The following GNAQ variants were observed in gnomAD, a reference collection of about 807,000 sequenced individuals.
The protein encoded by GNAQ is guanine nucleotide-binding protein G(q) subunit alpha.
GNAQ carries 8 observed loss-of-function variants against 43.9 expected under a neutral mutation model. That is an observed-to-expected ratio of 0.18 (90% confidence interval 0.11 to 0.33). GNAQ has a LOEUF of 0.33. Among genes scored for constraint, GNAQ ranks in the 10% least tolerant of loss-of-function variants. GNAQ has a pLI of 1.00. For missense variants in GNAQ, 158 were observed against 450.8 expected, an observed-to-expected ratio of 0.35 and a Z score of 5.88; for synonymous variants, 155 against 170.7, an observed-to-expected ratio of 0.91 and a Z score of 0.71.
chr9:77,807,577 G>C (rs1351442217), intron 3 of GNAQ, among the ~76,000 whole-genome samples: 1 of 152,178 alleles, frequency 6.6e-6, no homozygotes, highest in East Asian at 1.9e-4. Flanking sequence ...AGAACTTTCT[G>C]TTGCTCACTT....
intron 2 of GNAQ, among the ~76,000 whole-genome samples, chr9:77,894,280 CTAA>C (rs1448461820): frequency 3.2e-5 from 2 of 63,128 alleles, no homozygotes; most frequent in East Asian, 5.7e-4. Flanking sequence ...AGCAGTATTG[CTAA>C]TAATACACTG....
At chr9:77,872,720 C>T (rs1418898173) in intron 2 of GNAQ, among the ~76,000 whole-genome samples, 1 of 152,144 alleles carries the variant, frequency 6.6e-6, no homozygotes, top group African/African-American at 2.4e-5. Flanking sequence ...TCCAAGTTCA[C>T]ACACCAAGAC....
chr9:78,031,066 G>T, intron 1 of GNAQ, 34 bp downstream of exon 1: 1 of 1,392,304 alleles, frequency 7.2e-7, no homozygotes, highest in Non-Finnish European at 9.4e-7. Context: ...GGCTGGGGGC[G>T]CAGAGGCCCG....
chr9:78,019,852 A>C (rs1823884873), intron 1 of GNAQ, among the ~76,000 whole-genome samples: 2 of 142,062 alleles, frequency 1.4e-5, no homozygotes, highest in South Asian at 4.6e-4. Context: ...TGAACCTGGG[A>C]GGCAGAGGGT....
At chr9:77,959,394 TAC>T (rs1823080719) in intron 1 of GNAQ, among the ~76,000 whole-genome samples, 1 of 152,214 alleles carries the variant, frequency 6.6e-6, no homozygotes, top group South Asian at 2.1e-4. Flanking sequence ...CCTTCATACT[TAC>T]AGATAATGTG....
rs746999908 is a variant in GNAQ at position 77,728,496 on chromosome 9, G to T, written c.889+18C>A. 1.3e-6 allele frequency: 2 copies of T among 1,575,412 alleles called. No individual in the cohort carries two copies. The highest frequency in any genetic ancestry group is 1.1e-5 in the South Asian group (1 of 90,272). On this transcript the variant is annotated intron_variant, in intron 6 of 6. Transcript: ENST00000286548. Reference sequence around the variant, plus strand: ...ACCTATTCACAGCTACTGAGCTGTGGTATGAGTGCTGACTTACCATCATAT... The same window carrying T: ...ACCTATTCACAGCTACTGAGCTGTGTTATGAGTGCTGACTTACCATCATAT...
chr9:77,869,985 T>C (rs1344939391), intron 2 of GNAQ, among the ~76,000 whole-genome samples: 1 of 152,262 alleles, frequency 6.6e-6, no homozygotes, highest in Non-Finnish European at 1.5e-5. Flanking sequence ...TTCTAGATAA[T>C]GCCTTCATAA....
Position 77,914,760 on chromosome 9 carries a change from G to A in GNAQ, c.321+7401C>T, listed in dbSNP as rs570921834. ...AGCATAGGCTGTTTTGGTACCCTGT[G>A]GCCAAGAATCCAATTAAAATCACTG... On this transcript the variant is annotated intron_variant, in intron 2 of 6. Transcript: ENST00000286548. 2.9e-4 allele frequency among the ~76,000 whole-genome samples: 43 copies of A among 150,790 alleles called. No homozygotes were observed. In the South Asian group the frequency reaches 8.8e-3, roughly 31 times the overall value.
intron 2 of GNAQ, among the ~76,000 whole-genome samples, chr9:77,886,827 G>C (rs900470497): frequency 4.6e-5 from 7 of 151,916 alleles, no homozygotes; most frequent in Non-Finnish European, 1.0e-4. Context: ...AATAAAATAC[G>C]CAGCCGGGCA....
At chr9:78,003,898 C>G (rs771050567) in intron 1 of GNAQ, among the ~76,000 whole-genome samples, 3 of 151,234 alleles carry the variant, frequency 2.0e-5, no homozygotes, top group East Asian at 1.9e-4. Context: ...TAGAAAGTAC[C>G]AACAATCAAC....
At chr9:78,000,578 G>C (rs1232615959) in intron 1 of GNAQ, among the ~76,000 whole-genome samples, 1 of 152,140 alleles carries the variant, frequency 6.6e-6, no homozygotes, top group Non-Finnish European at 1.5e-5. Flanking sequence ...AAATTATAAT[G>C]TGTCACCTTG....
chr9:77,991,066 G>T (rs1823501264), intron 1 of GNAQ, among the ~76,000 whole-genome samples: 1 of 152,216 alleles, frequency 6.6e-6, no homozygotes, highest in Admixed American at 6.5e-5. Context: ...TTTCAAGTAT[G>T]CATGACAGAA....
At chr9:77,906,416 T>A (rs1278787088) in intron 2 of GNAQ, among the ~76,000 whole-genome samples, 3 of 152,230 alleles carry the variant, frequency 2.0e-5, no homozygotes, top group Non-Finnish European at 4.4e-5. Flanking sequence ...ATGATCTTTC[T>A]GGATGGCAAT....
chr9:77,970,732 T>C (rs574381799), intron 1 of GNAQ, among the ~76,000 whole-genome samples: 1 of 151,756 alleles, frequency 6.6e-6, no homozygotes, highest in Non-Finnish European at 1.5e-5. Flanking sequence ...AAAAGAACCA[T>C]AGACTCAAGA....
chr9:78,027,706 G>A (rs1044561583), intron 1 of GNAQ, among the ~76,000 whole-genome samples: 3 of 148,222 alleles, frequency 2.0e-5, no homozygotes, highest in Non-Finnish European at 4.4e-5. Flanking sequence ...AAGTGAGGTC[G>A]CGCCATTGCA....
intron 5 of GNAQ, among the ~76,000 whole-genome samples, chr9:77,764,181 C>CA (rs750916510): frequency 1.2e-4 from 18 of 152,290 alleles, no homozygotes; most frequent in South Asian, 4.1e-4. Flanking sequence ...CTTCTAGTCT[C>CA]AGAGTTGAAG....
chr9:78,010,560 C>T (rs1341887062), intron 1 of GNAQ, among the ~76,000 whole-genome samples: 1 of 152,082 alleles, frequency 6.6e-6, no homozygotes, highest in Admixed American at 6.5e-5. Flanking sequence ...TTATAACTCT[C>T]TATGAAAGAC....
Position 77,807,061 on chromosome 9 carries a change from G to C in GNAQ, c.476+8555C>G, listed in dbSNP as rs1371150455. Among the ~76,000 whole-genome samples the C allele has an allele frequency of 4.6e-5, 7 of 152,220 alleles. No homozygotes were observed. In the South Asian group the frequency reaches 1.5e-3, roughly 32 times the overall value. On this transcript the variant is annotated intron_variant, in intron 3 of 6. Coordinates refer to ENST00000286548, the MANE Select transcript of GNAQ (RefSeq NM_002072.5). ...ACTTTCATTTTGACAAGGATGATCA[G>C]GTCTGGAGAGCTGGTCATGCTAACA...
intron 2 of GNAQ, among the ~76,000 whole-genome samples, chr9:77,819,077 T>C (rs1279784195): frequency 7.0e-6 from 1 of 143,832 alleles, no homozygotes; most frequent in Non-Finnish European, 1.5e-5. Context: ...AAACAAAATG[T>C]AAAATATAAT....
Sources: allele counts gnomAD v4.1 joint callset (sites outside exome capture counted in the v4.1 genomes callset), GRCh38; gene constraint gnomAD v4.1.1; transcripts MANE v1.5; gene names NCBI Gene and HGNC (gene_info 2026-07-23, HGNC 2026-07-21).